GAS2: variants seen among roughly 807,000 people sequenced by gnomAD.
GAS2 encodes growth arrest-specific protein 2.
A neutral mutation model predicts 37.5 loss-of-function variants in GAS2; 20 were observed. The ratio of observed to expected loss-of-function variants is 0.53; its 90% CI spans 0.37 to 0.77. GAS2 has a LOEUF of 0.77. Among genes scored for constraint, GAS2 ranks in the 30% least tolerant of loss-of-function variants. The probability of loss-of-function intolerance (pLI) is 0.00; values close to 1 mark genes in which losing one functional copy is unlikely to be tolerated. For missense variants in GAS2, 336 were observed against 373.4 expected (o/e 0.90, Z 0.82); for synonymous variants, 144 against 132.2 (o/e 1.09, Z -0.61).
chr11:22,779,436 G>T (rs1312211397), intron 7 of GAS2, among the ~76,000 whole-genome samples: 1 of 152,138 alleles, frequency 6.6e-6, no homozygotes, highest in Non-Finnish European at 1.5e-5. Context: ...GGTGGCTCAC[G>T]CCTGTAATCC....
chr11:22,773,821 C>T (rs1377030079), intron 7 of GAS2, among the ~76,000 whole-genome samples: 1 of 152,042 alleles, frequency 6.6e-6, no homozygotes, highest in African/African-American at 2.4e-5. Flanking sequence ...GCTTCCACAG[C>T]AGGTTATAAA....
chr11:22,749,493 T>C (rs1425395226), intron 6 of GAS2, among the ~76,000 whole-genome samples: 1 of 152,032 alleles, frequency 6.6e-6, no homozygotes, highest in Admixed American at 6.6e-5. Context: ...TCTAAAACTT[T>C]AGAATAATAA....
intron 1 of GAS2, among the ~76,000 whole-genome samples, chr11:22,648,603 G>A (rs1848733128): frequency 6.6e-6 from 1 of 152,090 alleles, no homozygotes; most frequent in African/African-American, 2.4e-5. Context: ...ATTTCATTGA[G>A]CAGTGGTTTG....
rs2134167077 is a variant in GAS2, at chr11:22,726,531, T to G, written c.409+98T>G. On this transcript the variant is annotated intron_variant, in intron 4 of 7. Transcript: ENST00000454584. Reference sequence around the variant, plus strand: ...AAAAAGTTTTTTGTATGATGTCATTTTGCAGATTATTAGCTTAAAAAGTCT... The same window carrying G: ...AAAAAGTTTTTTGTATGATGTCATTGTGCAGATTATTAGCTTAAAAAGTCT... 4 of 952,298 alleles carry G rather than the reference T, an allele frequency of 4.2e-6. No homozygotes were observed. The East Asian group carries it at 1.0e-4, about 24-fold the overall frequency. 59.0% of individuals were successfully genotyped at this position (952,298 alleles called of 1,614,324 possible).
At chr11:22,653,039 T>TTCTTTCTTTCTTTCTTTC (rs1590575356) in intron 1 of GAS2, among the ~76,000 whole-genome samples, 12 of 139,950 alleles carry the variant, frequency 8.6e-5, no homozygotes, top group South Asian at 6.8e-4. Flanking sequence ...TTCTTTCTCT[T>TTCTTTCTTTCTTTCTTTC]TCTTTCTTTC....
At chr11:22,740,469 A>C (rs1853014388) in intron 5 of GAS2, among the ~76,000 whole-genome samples, 1 of 152,166 alleles carries the variant, frequency 6.6e-6, no homozygotes, top group East Asian at 1.9e-4. Flanking sequence ...TTCAGCAATA[A>C]AAAAAATCCT....
chr11:22,759,527 G>C (rs1489898393), intron 7 of GAS2, among the ~76,000 whole-genome samples: 2 of 152,096 alleles, frequency 1.3e-5, no homozygotes, highest in African/African-American at 4.8e-5. Flanking sequence ...ATTTTTGCCT[G>C]GTACTTTCCA....
intron 5 of GAS2, among the ~76,000 whole-genome samples, chr11:22,743,963 T>A (rs2134258472): frequency 6.6e-6 from 1 of 152,110 alleles, no homozygotes; most frequent in East Asian, 1.9e-4. Context: ...GATGACACTG[T>A]GATTGATCCC....
intron 1 of GAS2, among the ~76,000 whole-genome samples, chr11:22,639,499 T>C (rs531045484): frequency 6.6e-6 from 1 of 152,282 alleles, no homozygotes; most frequent in East Asian, 1.9e-4. Flanking sequence ...GAAACATAGA[T>C]CTTAGTGGTA....
In GAS2 at chr11:22,707,132, T is replaced by C. The variant is rs115645704; in HGVS notation, c.268-19160T>C. Among the ~76,000 whole-genome samples, 1,280 of 152,278 alleles carry C rather than the reference T, an allele frequency of 8.4e-3. 15 individuals are homozygous for C. The highest frequency in any genetic ancestry group is 0.029 in the African/African-American group (1,220 of 41,542). On this transcript the variant is annotated intron_variant, in intron 3 of 7. Coordinates refer to ENST00000454584, the MANE Select transcript of GAS2 (RefSeq NM_001143830.3). ...GACTTGGCAGAGCTTGGTGATAAAT[T>C]GTATAGAATGGGTAAGGGAGATTGG...
At chr11:22,771,329 C>T (rs1186678787) in intron 7 of GAS2, among the ~76,000 whole-genome samples, 1 of 152,098 alleles carries the variant, frequency 6.6e-6, no homozygotes, top group Non-Finnish European at 1.5e-5. Flanking sequence ...TTGGCCTTTG[C>T]TTTCAAATAT....
chr11:22,662,319 T>A (rs1848924821), upstream of GAS2, among the ~76,000 whole-genome samples: 1 of 152,254 alleles, frequency 6.6e-6, no homozygotes, highest in African/African-American at 2.4e-5. Context: ...AACTATCATT[T>A]GTAATGTTAT....
At chr11:22,662,345 C>A (rs1848925142), upstream of GAS2, among the ~76,000 whole-genome samples, 1 of 152,100 alleles carries the variant, frequency 6.6e-6, no homozygotes. Flanking sequence ...CATTGCTTTT[C>A]TATTCTGGAT....
At chr11:22,648,733 A>G (rs894250618) in intron 1 of GAS2, among the ~76,000 whole-genome samples, 4 of 152,176 alleles carry the variant, frequency 2.6e-5, no homozygotes, top group East Asian at 1.9e-4. Flanking sequence ...TTTGTCTGTT[A>G]TTTGTGTATA....
chr11:22,646,162 C>T (rs1210095384), intron 1 of GAS2, among the ~76,000 whole-genome samples: 1 of 152,030 alleles, frequency 6.6e-6, no homozygotes, highest in Non-Finnish European at 1.5e-5. Flanking sequence ...GTTTTCCTGT[C>T]TTCTGCTCAA....
chr11:22,785,236 C>T (rs377573824), intron 7 of GAS2, among the ~76,000 whole-genome samples: 29 of 152,198 alleles, frequency 1.9e-4, no homozygotes, highest in African/African-American at 5.1e-4. Flanking sequence ...CTTTATAGTC[C>T]GCATGGAAAA....
In GAS2 at chr11:22,685,716, C is replaced by CCTGGA. The variant is rs1267232955; in HGVS notation, c.196_197insGGACT (p.Leu66TrpfsTer30). 6.2e-7 allele frequency: 1 copy of CCTGGA among 1,613,422 alleles called. No homozygotes were observed. On this transcript the variant is annotated frameshift_variant, in exon 3 of 8. Transcript: ENST00000454584. LOFTEE classifies it high-confidence loss of function. ...TTTATGGAGAAGTTGGACAATGGTG[C>CCTGGA]CTTGCTCTGTCAACTTGCAGAAACT...
chr11:22,771,149 T>C (rs1196256170), intron 7 of GAS2, among the ~76,000 whole-genome samples: 1 of 152,106 alleles, frequency 6.6e-6, no homozygotes, highest in Admixed American at 6.5e-5. Context: ...CCCATGATAC[T>C]TTTGAAAAAT....
chr11:22,812,782 TTGA>T lies in GAS2; in HGVS notation c.*768_*770del, dbSNP rs1318253664. The T allele has an allele frequency of 6.6e-6, 1 of 152,608 alleles. No individual in the cohort carries two copies. The highest frequency in any genetic ancestry group is 1.5e-5 in the Non-Finnish European group (1 of 68,016). The allele number at this position is 152,608 out of a possible 1,614,324, so 9.5% of individuals were successfully genotyped here. A position where few individuals can be genotyped will look rare whatever the true frequency, so the allele number is the denominator to read the frequency against. On this transcript the variant is annotated 3_prime_UTR_variant, in exon 8 of 8. Coordinates refer to ENST00000454584, the MANE Select transcript of GAS2 (RefSeq NM_001143830.3). ...AGTAAATTGTACAGTCAAATGTTCA[TTGA>T]TTTCATGTTATTTCAAAGCATTTTC...
Sources: allele counts gnomAD v4.1 joint callset (sites outside exome capture counted in the v4.1 genomes callset), GRCh38; gene constraint gnomAD v4.1.1; transcripts MANE v1.5; gene names NCBI Gene and HGNC (gene_info 2026-07-23, HGNC 2026-07-21).